VWF: variants seen among roughly 807,000 people sequenced by gnomAD.
VWF encodes the protein Factor VIII related antigen.
VWF carries 176 observed loss-of-function variants against 308.6 expected under a neutral mutation model. That is an observed-to-expected ratio of 0.57 (90% CI 0.50 to 0.65). The LOEUF (loss-of-function observed/expected upper bound fraction) is 0.65. VWF is among the 30% of genes least tolerant of loss of function. The probability of loss-of-function intolerance (pLI) is 0.00; values close to 1 mark genes in which losing one functional copy is unlikely to be tolerated. For missense variants in VWF, 3,146 were observed against 3,648.2 expected (o/e 0.86, Z 3.55); for synonymous variants, 1,385 against 1,443.4 (o/e 0.96, Z 0.92).
At chr12:6,064,931 G>A (rs7295375) in intron 11 of VWF, among the ~76,000 whole-genome samples, 3,631 of 152,316 alleles carry the variant, frequency 0.024, 143 homozygotes, top group African/African-American at 0.076. Flanking sequence ...ATTATTGTCA[G>A]GGCAGGATGC....
At chr12:5,980,266 A>AGGGAGGGAGGGT (rs1943591195) in intron 42 of VWF, among the ~76,000 whole-genome samples, 1 of 67,456 alleles carries the variant, frequency 1.5e-5, no homozygotes, top group African/African-American at 5.2e-5. Flanking sequence ...GTAGGGAGGG[A>AGGGAGGGAGGGT]GGGAGGAGGA....
chr12:6,062,944 G>A lies in VWF; in HGVS notation c.1533+10C>T, dbSNP rs756228039. On this transcript the variant is annotated intron_variant, in intron 13 of 51. Coordinates refer to ENST00000261405, the MANE Select transcript of VWF (RefSeq NM_000552.5). ...GCCGCAGGGAGCCAGTACCCCGTGA[G>A]GGCACCTACCTTCACCAGCAGCCTC... The A allele has an allele frequency of 7.5e-6, 12 of 1,610,136 alleles. No individual in the cohort carries two copies. Among genetic ancestry groups the A allele is most frequent in the Non-Finnish European group, 1.0e-5 (12 of 1,178,764 alleles).
chr12:5,988,172 G>A (rs77433756), intron 38 of VWF, among the ~76,000 whole-genome samples: 1,612 of 152,280 alleles, frequency 0.011, 39 homozygotes, highest in African/African-American at 0.036. Context: ...AGGCACAGAC[G>A]AAGGAACACT....
chr12:5,996,690 A>G (rs1943811553), intron 34 of VWF, among the ~76,000 whole-genome samples: 1 of 151,372 alleles, frequency 6.6e-6, no homozygotes, highest in Admixed American at 6.6e-5. Context: ...AGGTAATGGT[A>G]CAAGTGACCA....
intron 6 of VWF, among the ~76,000 whole-genome samples, chr12:6,082,921 T>G (rs1311053870): frequency 6.6e-6 from 1 of 152,196 alleles, no homozygotes; most frequent in Non-Finnish European, 1.5e-5. Context: ...GCCCTCCCAC[T>G]CCTGTTTCCT....
At position 6,121,164 on chromosome 12, in the gene VWF, C is replaced by G. The variant is rs759963044; in HGVS notation, c.220+10G>C. 6.2e-7 allele frequency: 1 copy of G among 1,613,994 alleles called. No individual in the cohort carries two copies. The highest frequency in any genetic ancestry group is 8.5e-7 in the Non-Finnish European group (1 of 1,180,034). ...CCTCTGAAGTCCTCCCTGCAGTGCC[C>G]AGAACTCACCAATAATCGAGAAGGA... On this transcript the variant is annotated intron_variant, in intron 3 of 51. Coordinates refer to ENST00000261405, the MANE Select transcript of VWF (RefSeq NM_000552.5).
At chr12:6,065,084 T>C (rs1241946432) in intron 11 of VWF, 53 bp downstream of exon 11, 3 of 1,612,904 alleles carry the variant, frequency 1.9e-6, no homozygotes, top group Admixed American at 1.7e-5. Context: ...GCCTAGCAGC[T>C]ATGCAGCACC....
chr12:6,065,048 C>T, intron 11 of VWF, 89 bp downstream of exon 11: 1 of 1,585,806 alleles, frequency 6.3e-7, no homozygotes, highest in Admixed American at 1.7e-5. Context: ...AGCAATGCCC[C>T]ACGCCTTCCA....
rs759780845 is a variant in VWF, at chr12:6,044,278, C to T, written c.2442+13G>A. On this transcript the variant is annotated intron_variant, in intron 18 of 51. Transcript: ENST00000261405. ...CTGAAGGGCAGGCACCAGCTCTGTG[C>T]CTGGTGACTCACCATGCCCGGGGGG... is the stretch of plus-strand genomic sequence containing the variant. 8.7e-6 allele frequency: 14 copies of T among 1,613,890 alleles called. No individual in the cohort carries two copies. The highest frequency in any genetic ancestry group is 3.3e-4 in the Middle Eastern group (2 of 6,028).
At position 5,993,726 on chromosome 12, in the gene VWF, T is replaced by G. The variant is rs1028717672; in HGVS notation, c.6598+136A>C. ...ATATATCTTCCATCTTATTTGATCC[T>G]AACTGGAATCCCAGGTCATACGAAA... On this transcript the variant is annotated intron_variant, in intron 37 of 51. Coordinates refer to ENST00000261405, the MANE Select transcript of VWF (RefSeq NM_000552.5). 18 of 735,668 alleles carry G rather than the reference T, an allele frequency of 2.4e-5. No homozygotes were observed. In the East Asian group the frequency reaches 4.8e-4, roughly 20 times the overall value. 45.6% of individuals were successfully genotyped at this position (735,668 alleles called of 1,614,324 possible). A position where few individuals can be genotyped will look rare whatever the true frequency, so the allele number is the denominator to read the frequency against.
intron 41 of VWF, 36 bp from the exon 42 acceptor site, chr12:5,982,027 C>T: frequency 1.3e-6 from 2 of 1,597,856 alleles, no homozygotes; most frequent in Non-Finnish European, 1.7e-6. Flanking sequence ...AGCACTGCGC[C>T]CAGCCAGGGC....
chr12:6,037,432 A>C (rs1437597772), intron 18 of VWF, among the ~76,000 whole-genome samples: 1 of 151,832 alleles, frequency 6.6e-6, no homozygotes, highest in Non-Finnish European at 1.5e-5. Context: ...ATCCCGGTTC[A>C]CTCTCCATGG....
chr12:6,056,249 C>CA (rs1032085225), intron 15 of VWF, among the ~76,000 whole-genome samples: 3 of 84,380 alleles, frequency 3.6e-5, no homozygotes, highest in African/African-American at 1.8e-4. Flanking sequence ...GGGCATGCAG[C>CA]AAATGTCCCC....
At chr12:6,105,436 C>T (rs1175256564) in intron 5 of VWF, among the ~76,000 whole-genome samples, 2 of 152,100 alleles carry the variant, frequency 1.3e-5, no homozygotes, top group Non-Finnish European at 2.9e-5. Context: ...ACATGTTGGC[C>T]AGGCTGGTCT....
At chr12:6,062,814 C>A in intron 13 of VWF, 140 bp downstream of exon 13, 2 of 695,900 alleles carry the variant, frequency 2.9e-6, no homozygotes, top group South Asian at 3.5e-5. Context: ...ACAAGAGAGG[C>A]CTGTTTCTCG....
intron 46 of VWF, 51 bp downstream of exon 46, chr12:5,968,076 C>A (rs768524351): frequency 2.5e-6 from 4 of 1,611,650 alleles, no homozygotes; most frequent in Middle Eastern, 3.3e-4. Flanking sequence ...TCCCACAGTA[C>A]CCCCTTCCCT....
chr12:6,008,574 A>T (rs1444149474), intron 34 of VWF, among the ~76,000 whole-genome samples: 2 of 152,228 alleles, frequency 1.3e-5, no homozygotes, highest in Non-Finnish European at 2.9e-5. Flanking sequence ...CACACCGAAT[A>T]GTGCAAAACT....
chr12:5,986,561 C>G (rs1197085293), intron 38 of VWF, among the ~76,000 whole-genome samples: 1 of 152,206 alleles, frequency 6.6e-6, no homozygotes, highest in East Asian at 1.9e-4. Flanking sequence ...AGTCAGCAAT[C>G]AGTCAGCTAA....
intron 5 of VWF, among the ~76,000 whole-genome samples, chr12:6,103,198 G>A (rs1223926759): frequency 1.3e-5 from 2 of 151,708 alleles, no homozygotes; most frequent in African/African-American, 4.8e-5. Context: ...TGTGGTGGTG[G>A]GCACCTGTAG....
Sources: gnomAD v4.1 joint callset for allele counts (sites outside exome capture counted in the v4.1 genomes callset) on GRCh38, gnomAD v4.1.1 for gene constraint, MANE v1.5 for transcripts, NCBI Gene and HGNC (gene_info 2026-07-23, HGNC 2026-07-21) for gene names.